Variants in RREB1 observed in about 807,000 individuals in gnomAD.
The protein encoded by RREB1 is ras responsive element binding protein 1.
Under a neutral mutation model 117.8 loss-of-function variants are expected in RREB1, and 27 were observed. That is an observed-to-expected ratio of 0.23 (90% CI 0.17 to 0.32). RREB1 has a LOEUF of 0.32. Among genes scored for constraint, RREB1 ranks in the 10% least tolerant of loss-of-function variants. RREB1 has a pLI of 1.00. For missense variants in RREB1, 2,577 were observed against 2,378.2 expected, an observed-to-expected ratio of 1.08 and a Z score of -1.74; for synonymous variants, 1,298 against 1,026.7, an observed-to-expected ratio of 1.26 and a Z score of -5.05.
chr6:7,157,984 C>G (rs891897567), intron 1 of RREB1, among the ~76,000 whole-genome samples: 4 of 152,066 alleles, frequency 2.6e-5, no homozygotes, highest in Non-Finnish European at 5.9e-5. Flanking sequence ...CATCAGTGAC[C>G]CTGCTTAGCC....
In RREB1 at chr6:7,231,380, C is replaced by T; in HGVS notation, c.3281C>T (p.Thr1094Ile). Residue 1094 changes from threonine (T) to isoleucine (I), a missense_variant, in exon 10 of 13, where the codon ACT (threonine) becomes ATT (isoleucine). Transcript: ENST00000379938. Reference protein sequence around the residue: ...TKVADPGPASTGSNTTASDSL... With the variant: ...TKVADPGPASIGSNTTASDSL... The stretch of plus-strand genomic sequence containing the variant: ...GTGGCGGACCCAGGGCCCGCAAGCA[C>T]TGGCAGTAACACCACGGCTTCAGAC... 2 of 1,613,596 alleles carry T rather than the reference C, an allele frequency of 1.2e-6. No homozygotes were observed. Among genetic ancestry groups the T allele is most frequent in the Non-Finnish European group, 8.5e-7 (1 of 1,179,934 alleles).
chr6:7,224,982 G>A (rs1333445435), intron 8 of RREB1, among the ~76,000 whole-genome samples: 1 of 152,144 alleles, frequency 6.6e-6, no homozygotes, highest in Non-Finnish European at 1.5e-5. Context: ...ACCGGGTTCT[G>A]CTGTGCCCGC....
chr6:7,118,175 C>T (rs889874238), intron 1 of RREB1, among the ~76,000 whole-genome samples: 3 of 152,140 alleles, frequency 2.0e-5, no homozygotes, highest in Non-Finnish European at 2.9e-5. Context: ...GGCTGGAGTG[C>T]AGGGGTGGAA....
chr6:7,184,604 A>G (rs908062534), intron 4 of RREB1: 1 of 151,720 alleles, frequency 6.6e-6, no homozygotes, highest in Non-Finnish European at 1.5e-5. Flanking sequence ...ACCTCCTCCC[A>G]TATAACTTGG....
At chr6:7,220,717 C>T (rs992893848) in intron 8 of RREB1, among the ~76,000 whole-genome samples, 1 of 152,246 alleles carries the variant, frequency 6.6e-6, no homozygotes, top group Non-Finnish European at 1.5e-5. Flanking sequence ...TGTCCTACAG[C>T]CCTCCCCTCT....
intron 1 of RREB1, among the ~76,000 whole-genome samples, chr6:7,148,382 T>C (rs984873913): frequency 4.6e-5 from 7 of 152,168 alleles, no homozygotes; most frequent in African/African-American, 1.4e-4. Context: ...TCAAACGGCA[T>C]GGCGGATTCC....
chr6:7,132,619 G>C (rs1762199049), intron 1 of RREB1, among the ~76,000 whole-genome samples: 1 of 152,252 alleles, frequency 6.6e-6, no homozygotes, highest in Non-Finnish European at 1.5e-5. Context: ...TATTGACACA[G>C]AGCAGTTGGG....
intron 8 of RREB1, chr6:7,217,808 A>G (rs1040330602): frequency 1.2e-4 from 18 of 152,226 alleles, no homozygotes; most frequent in African/African-American, 4.1e-4. Context: ...TCCAACATTT[A>G]CAGTTATAGG....
intron 4 of RREB1, 122 bp from the exon 5 acceptor site, chr6:7,187,311 AG>A (rs753466308): frequency 8.4e-6 from 4 of 478,912 alleles, no homozygotes; most frequent in Admixed American, 7.0e-5. Context: ...ATACCTGGGC[AG>A]GTTCTGGAGC....
At chr6:7,119,079 C>T (rs1444077386) in intron 1 of RREB1, among the ~76,000 whole-genome samples, 4 of 151,928 alleles carry the variant, frequency 2.6e-5, no homozygotes, top group African/African-American at 4.8e-5. Context: ...TTGAAAGCCT[C>T]GTAGAGGATA....
At position 7,207,534 on chromosome 6, in the gene RREB1, G is replaced by T. The variant is rs548328007; in HGVS notation, c.426-3270G>T. Among the ~76,000 whole-genome samples, 5 of 152,276 alleles carry T rather than the reference G, an allele frequency of 3.3e-5. No homozygotes were observed. The South Asian group carries it at 1.0e-3, about 32-fold the overall frequency. On this transcript the variant is annotated intron_variant, in intron 6 of 12. Coordinates refer to ENST00000379938, the MANE Select transcript of RREB1 (RefSeq NM_001003699.4). ...ACAACAAACTTGGTAGGAACTGAGG[G>T]TATAAACACACCCAATGGAACCCAC...
intron 5 of RREB1, 98 bp from the exon 6 acceptor site, chr6:7,189,061 G>T: frequency 8.4e-7 from 1 of 1,192,940 alleles, no homozygotes; most frequent in Non-Finnish European, 1.1e-6. Context: ...CAAGAAAGTT[G>T]ATTGGTTTTT....
At chr6:7,155,994 C>T (rs923996181) in intron 1 of RREB1, among the ~76,000 whole-genome samples, 2 of 152,190 alleles carry the variant, frequency 1.3e-5, no homozygotes, top group Admixed American at 6.5e-5. Flanking sequence ...TCACCCCTTT[C>T]GGGTTTCATG....
intron 1 of RREB1, among the ~76,000 whole-genome samples, chr6:7,136,405 A>T (rs1313585807): frequency 6.6e-6 from 1 of 152,178 alleles, no homozygotes; most frequent in African/African-American, 2.4e-5. Context: ...CAATATGGAG[A>T]TAATAGTAAA....
At chr6:7,172,040 G>A (rs1363730297) in intron 1 of RREB1, among the ~76,000 whole-genome samples, 1 of 151,844 alleles carries the variant, frequency 6.6e-6, no homozygotes, top group Non-Finnish European at 1.5e-5. Context: ...CGCACTCCTG[G>A]GCTCATGCAA....
rs146641651 is a variant in RREB1 at position 7,231,739 on chromosome 6, G to A, written c.3640G>A (p.Asp1214Asn). ...GGATGAGGTGGCCGGAGCCCCTGCC[G>A]ACCACCATGGGCCCAGTGATGAAGA... ...TQDEVAGAPADHHGPSDEEQG... is the reference protein window; with the variant it reads ...TQDEVAGAPANHHGPSDEEQG... Residue 1214 changes from aspartate (D) to asparagine (N), a missense_variant, in exon 10 of 13, where the codon GAC becomes AAC. By Grantham distance (23) the Asp-to-Asn change is conservative (BLOSUM62 1). Transcript: ENST00000379938. The A allele has an allele frequency of 3.6e-5, 58 of 1,613,700 alleles. No individual in the cohort carries two copies. Among genetic ancestry groups the A allele is most frequent in the East Asian group, 2.9e-4 (13 of 44,888 alleles).
At chr6:7,113,516 A>G (rs1420399752) in intron 1 of RREB1, among the ~76,000 whole-genome samples, 2 of 152,164 alleles carry the variant, frequency 1.3e-5, no homozygotes, top group African/African-American at 4.8e-5. Context: ...GTTCATGCTG[A>G]GAGGAACACT....
intron 8 of RREB1, among the ~76,000 whole-genome samples, chr6:7,226,143 C>T (rs1344920637): frequency 6.6e-6 from 1 of 152,102 alleles, no homozygotes; most frequent in Non-Finnish European, 1.5e-5. Context: ...CTGATCGAGG[C>T]GAGAGCGAGC....
intron 6 of RREB1, among the ~76,000 whole-genome samples, chr6:7,206,906 A>T (rs1241771358): frequency 6.6e-6 from 1 of 152,196 alleles, no homozygotes; most frequent in East Asian, 1.9e-4. Flanking sequence ...GAGCTTTGGG[A>T]TGGAAGAGGG....
Sources: allele counts gnomAD v4.1 joint callset (sites outside exome capture counted in the v4.1 genomes callset), GRCh38; gene constraint gnomAD v4.1.1; transcripts MANE v1.5; gene names NCBI Gene and HGNC (gene_info 2026-07-23, HGNC 2026-07-21).